Variants in PCDHGB4 observed in about 807,000 individuals in gnomAD.
PCDHGB4 encodes the protein protocadherin gamma-B4.
PCDHGB4 carries 38 observed loss-of-function variants against 60.5 expected under a neutral mutation model. That is an observed-to-expected ratio of 0.63 (90% CI 0.48 to 0.82). PCDHGB4 has a LOEUF of 0.82. PCDHGB4 is among the 40% of genes least tolerant of loss of function. The pLI is 0.00. For missense variants in PCDHGB4, 1,109 were observed against 1,209.6 expected (o/e 0.92, Z 1.23); for synonymous variants, 456 against 509.7 (o/e 0.89, Z 1.42).
At chr5:141,446,837 T>G (rs2098518039) in intron 1 of PCDHGB4, among the ~76,000 whole-genome samples, 1 of 152,168 alleles carries the variant, frequency 6.6e-6, no homozygotes, top group South Asian at 2.1e-4. Flanking sequence ...CTTATAAGGC[T>G]GAGCATAATA....
chr5:141,468,222 G>A lies in PCDHGB4; in HGVS notation c.2398-26585G>A, dbSNP rs560663102. 2.6e-3 allele frequency among the ~76,000 whole-genome samples: 401 copies of A among 151,572 alleles called. 2 individuals are homozygous for A. Among genetic ancestry groups the A allele is most frequent in the South Asian group, 0.02 (97 of 4,782 alleles). ...TGCCTGTAATTCCAGCTACTTGGGA[G>A]GATGAGGTAGGAGAATTGCCTGAAC... On this transcript the variant is annotated intron_variant, in intron 1 of 3. Coordinates refer to ENST00000519479, the MANE Select transcript of PCDHGB4 (RefSeq NM_003736.4).
intron 3 of PCDHGB4, among the ~76,000 whole-genome samples, chr5:141,506,444 C>CA (rs1219684339): frequency 0.017 from 1,570 of 94,842 alleles, 20 homozygotes; most frequent in African/African-American, 0.048. Flanking sequence ...CGCTCTGTCT[C>CA]AAAAAAAAAA....
At chr5:141,425,381 A>C (rs1374877185) in intron 1 of PCDHGB4, among the ~76,000 whole-genome samples, 3 of 152,194 alleles carry the variant, frequency 2.0e-5, no homozygotes, top group African/African-American at 7.2e-5. Flanking sequence ...GTTGATTCGG[A>C]GGTAGTGATA....
At chr5:141,402,934 A>G in intron 1 of PCDHGB4, 1 of 1,586,622 alleles carries the variant, frequency 6.3e-7, no homozygotes, top group Non-Finnish European at 8.6e-7. Flanking sequence ...TTTTGAGAAA[A>G]TTCCAAAGCG....
rs768767029 is a variant in PCDHGB4, at chr5:141,477,838, G to A, written c.2398-16969G>A. The A allele has an allele frequency of 6.2e-7, 1 of 1,612,892 alleles. No individual in the cohort carries two copies. The highest frequency in any genetic ancestry group is 1.1e-5 in the South Asian group (1 of 90,982). ...AGGTCCTATATCCTCGGCCAGGTGG[G>A]AGCTCGGTGGAGATGCTGCCTCGAG... On this transcript the variant is annotated intron_variant, in intron 1 of 3. Transcript: ENST00000519479. This position sits in a 1 kb window ranked among gnomAD's most constrained non-coding sequence, Gnocchi z 4.9.
At chr5:141,467,064 T>C (rs1289790911) in intron 1 of PCDHGB4, among the ~76,000 whole-genome samples, 2 of 151,724 alleles carry the variant, frequency 1.3e-5, no homozygotes, top group Middle Eastern at 3.2e-3. Context: ...TCTTTTTTTT[T>C]TTTTTTTAGA....
At chr5:141,427,386 A>G (rs2097020887) in intron 1 of PCDHGB4, 1 of 459,098 alleles carries the variant, frequency 2.2e-6, no homozygotes, top group Non-Finnish European at 4.4e-6. Context: ...CACTCTGTTC[A>G]AAACACATGA....
Position 141,486,294 on chromosome 5 carries a change from T to C in PCDHGB4, c.2398-8513T>C, listed in dbSNP as rs764106041. The C allele has an allele frequency of 1.2e-6, 2 of 1,614,036 alleles. No homozygotes were observed. The highest frequency in any genetic ancestry group is 1.7e-6 in the Non-Finnish European group (2 of 1,179,998). On this transcript the variant is annotated intron_variant, in intron 1 of 3. Transcript: ENST00000519479. The surrounding 1 kb of genome is among the most constrained non-coding windows in gnomAD (Gnocchi z 5.0). ...GGCACTGTGGTGGCACTTATCAGTG[T>C]GCAGGATCCAGACTCAGGGTCAAAC...
intron 1 of PCDHGB4, chr5:141,395,733 T>C (rs567626582): frequency 5.9e-5 from 9 of 153,748 alleles, no homozygotes; most frequent in African/African-American, 2.2e-4. Context: ...TTTCTTCACT[T>C]TAAACCTCTT....
At chr5:141,424,215 G>T in intron 1 of PCDHGB4, 1 of 167,104 alleles carries the variant, frequency 6.0e-6, no homozygotes. Flanking sequence ...TTTTCTCTGA[G>T]CAATTTTATT....
chr5:141,401,171 G>A (rs1222326375), intron 1 of PCDHGB4, among the ~76,000 whole-genome samples: 1 of 152,054 alleles, frequency 6.6e-6, no homozygotes, highest in African/African-American at 2.4e-5. Context: ...GTGAAAACCC[G>A]TCTCTACTAA....
chr5:141,408,877 C>T (rs1476847671), intron 1 of PCDHGB4: 4 of 1,613,308 alleles, frequency 2.5e-6, no homozygotes, highest in Admixed American at 3.3e-5. Flanking sequence ...GAAGTGCCAC[C>T]GCTCACATAG....
intron 2 of PCDHGB4, among the ~76,000 whole-genome samples, chr5:141,499,192 C>T (rs1048812227): frequency 1.1e-4 from 17 of 152,106 alleles, no homozygotes; most frequent in South Asian, 2.1e-4. Flanking sequence ...CCATTTCCCC[C>T]TTCTTAGGCT....
At chr5:141,470,037 G>C (rs76537989) in intron 1 of PCDHGB4, among the ~76,000 whole-genome samples, 14 of 152,138 alleles carry the variant, frequency 9.2e-5, no homozygotes, top group Non-Finnish European at 1.5e-4. Flanking sequence ...GCTGAGGCGC[G>C]AGAACTGTTT....
intron 1 of PCDHGB4, among the ~76,000 whole-genome samples, chr5:141,483,648 TTGTGTGTG>T (rs111458813): frequency 6.7e-6 from 1 of 149,592 alleles, no homozygotes; most frequent in Non-Finnish European, 1.5e-5. Flanking sequence ...GGGTGTGTGT[TTGTGTGTG>T]TGTGTGTGTG....
intron 1 of PCDHGB4, chr5:141,422,528 C>T: frequency 5.0e-6 from 8 of 1,614,018 alleles, no homozygotes; most frequent in Non-Finnish European, 5.1e-6. Flanking sequence ...CCGCCTTTGT[C>T]TGCAGAAACT....
intron 1 of PCDHGB4, chr5:141,417,676 C>A (rs902104404): frequency 4.0e-6 from 4 of 993,448 alleles, no homozygotes; most frequent in Middle Eastern, 3.3e-4. Flanking sequence ...GCGCAGCCAA[C>A]AACAGAAAAG....
intron 1 of PCDHGB4, chr5:141,413,769 G>T: frequency 6.2e-7 from 1 of 1,612,870 alleles, no homozygotes; most frequent in Non-Finnish European, 8.5e-7. Flanking sequence ...ACCCGGAGCT[G>T]GTACTGGAGC....
chr5:141,485,546 G>C lies in PCDHGB4; in HGVS notation c.2398-9261G>C. The C allele has an allele frequency of 6.2e-7, 1 of 1,614,074 alleles. No individual in the cohort carries two copies. ...GTACCGAGCAGAGGTAGAGATCGTA[G>C]ATGTGAATGATCACGCCCCCCGTTT... is the stretch of plus-strand genomic sequence containing the variant. On this transcript the variant is annotated intron_variant, in intron 1 of 3. Coordinates refer to ENST00000519479, the MANE Select transcript of PCDHGB4 (RefSeq NM_003736.4). The surrounding 1 kb of genome is among the most constrained non-coding windows in gnomAD (Gnocchi z 5.7).
Sources: allele counts gnomAD v4.1 joint callset (sites outside exome capture counted in the v4.1 genomes callset), GRCh38; gene constraint gnomAD v4.1.1; non-coding constraint Gnocchi (gnomAD v3.1); transcripts MANE v1.5; gene names NCBI Gene and HGNC (gene_info 2026-07-23, HGNC 2026-07-21).